PITPNM3: variants seen among roughly 807,000 people sequenced by gnomAD.
The protein encoded by PITPNM3 is PITPNM family member 3.
A neutral mutation model predicts 102.0 loss-of-function variants in PITPNM3; 26 were observed. The ratio of observed to expected loss-of-function variants is 0.25; its 90% CI spans 0.19 to 0.35. PITPNM3 has a LOEUF of 0.35. Among genes scored for constraint, PITPNM3 ranks in the 10% least tolerant of loss-of-function variants. The pLI is 1.00. For missense variants in PITPNM3, 1,083 were observed against 1,346.1 expected, an observed-to-expected ratio of 0.80 and a Z score of 3.06; for synonymous variants, 578 against 558.6, an observed-to-expected ratio of 1.03 and a Z score of -0.49.
rs1296191116 is a variant in PITPNM3, at chr17:6,470,552, G to T, written c.1625-144C>A. The T allele has an allele frequency of 3.7e-6, 4 of 1,074,492 alleles. No individual in the cohort carries two copies. Among genetic ancestry groups the T allele is most frequent in the Non-Finnish European group, 5.6e-6 (4 of 716,406 alleles). 66.6% of individuals were successfully genotyped at this position (1,074,492 alleles called of 1,614,324 possible). ...GCGGGAGCACCCTGGCCTGGAGGAGGCCTGGGGAACGCGCTGCTCTTCCTC... is the reference window on the plus strand; with the variant it reads ...GCGGGAGCACCCTGGCCTGGAGGAGTCCTGGGGAACGCGCTGCTCTTCCTC... On this transcript the variant is annotated intron_variant, in intron 12 of 19. Transcript: ENST00000262483. This position sits in a 1 kb window ranked among gnomAD's most constrained non-coding sequence, Gnocchi z 4.8.
intron 4 of PITPNM3, among the ~76,000 whole-genome samples, chr17:6,490,309 GA>G (rs1464622176): frequency 6.6e-6 from 1 of 152,134 alleles, no homozygotes. Flanking sequence ...CCTCTACTCA[GA>G]GGGTGACCTC....
chr17:6,467,409 C>T (rs969544199), intron 14 of PITPNM3, among the ~76,000 whole-genome samples: 1 of 152,180 alleles, frequency 6.6e-6, no homozygotes, highest in Non-Finnish European at 1.5e-5. Context: ...TATGAAAAAG[C>T]TCTAAAACTG....
intron 1 of PITPNM3, among the ~76,000 whole-genome samples, chr17:6,550,168 C>G (rs1203885522): frequency 6.6e-6 from 1 of 152,222 alleles, no homozygotes; most frequent in Admixed American, 6.5e-5. Context: ...AGCCAGGGCT[C>G]TCCTTCGTTA....
intron 4 of PITPNM3, among the ~76,000 whole-genome samples, chr17:6,484,879 G>C (rs371876320): frequency 3.5e-4 from 53 of 152,324 alleles, no homozygotes; most frequent in Middle Eastern, 6.8e-3. Flanking sequence ...GCAGAACAAA[G>C]TGCTGCAGGG....
At chr17:6,555,658 C>T (rs1390921260) in intron 1 of PITPNM3, among the ~76,000 whole-genome samples, 2 of 152,184 alleles carry the variant, frequency 1.3e-5, no homozygotes, top group Non-Finnish European at 2.9e-5. Flanking sequence ...AGCCCCGGTG[C>T]CCAGCTCAGG....
At chr17:6,495,332 C>T (rs953369891) in intron 4 of PITPNM3, among the ~76,000 whole-genome samples, 2 of 152,092 alleles carry the variant, frequency 1.3e-5, no homozygotes, top group Non-Finnish European at 2.9e-5. Flanking sequence ...GCTCCTTTGC[C>T]TCTGGGAAGG....
At chr17:6,498,010 G>A (rs1008515240) in intron 4 of PITPNM3, among the ~76,000 whole-genome samples, 24 of 152,142 alleles carry the variant, frequency 1.6e-4, no homozygotes, top group African/African-American at 5.3e-4. Context: ...TCCTCCCACC[G>A]GACGTTCCTG....
chr17:6,535,281 T>C (rs926543133), intron 2 of PITPNM3, among the ~76,000 whole-genome samples: 1 of 152,058 alleles, frequency 6.6e-6, no homozygotes, highest in Non-Finnish European at 1.5e-5. Context: ...CAGAAGCCCA[T>C]GGCCTGGTCC....
At position 6,471,361 on chromosome 17, in the gene PITPNM3, G is replaced by T. The variant is rs764751089; in HGVS notation, c.1430-6C>A. ...GTGGGTGTGTAGGGCATCAGCTGGA[G>T]GGGGAATTTCAAGGTCAGGCTGAGT... On this transcript the variant is annotated splice_region_variant and splice_polypyrimidine_tract_variant and intron_variant, in intron 11 of 19. Transcript: ENST00000262483. 1.9e-6 allele frequency: 3 copies of T among 1,580,170 alleles called. No homozygotes were observed. Among genetic ancestry groups the T allele is most frequent in the Admixed American group, 1.7e-5 (1 of 57,986 alleles).
chr17:6,494,374 C>A (rs994481048), intron 4 of PITPNM3, among the ~76,000 whole-genome samples: 2 of 152,184 alleles, frequency 1.3e-5, no homozygotes, highest in African/African-American at 4.8e-5. Flanking sequence ...ATAGCAGGAA[C>A]TTCTTAGGCT....
intron 4 of PITPNM3, among the ~76,000 whole-genome samples, chr17:6,488,117 C>A (rs953633383): frequency 2.0e-5 from 3 of 152,052 alleles, no homozygotes; most frequent in South Asian, 2.1e-4. Flanking sequence ...TTAGCAGAGG[C>A]CCCTGTAGAC....
intron 14 of PITPNM3, among the ~76,000 whole-genome samples, chr17:6,465,394 C>T (rs1159193511): frequency 6.6e-6 from 1 of 152,262 alleles, no homozygotes; most frequent in African/African-American, 2.4e-5. Flanking sequence ...ACTGGCCTCA[C>T]AGCCTGTGCT....
rs1190855329 is a variant in PITPNM3, at chr17:6,469,506, A to C, written c.1773+754T>G. 6.6e-6 allele frequency among the ~76,000 whole-genome samples: 1 copy of C among 151,466 alleles called. No individual in the cohort carries two copies. Reference sequence around the variant, plus strand: ...TGCAGGACACAGAACCACCTTAGTCACTCAAGTGGGAAACAGGACGTACTG... The same window carrying C: ...TGCAGGACACAGAACCACCTTAGTCCCTCAAGTGGGAAACAGGACGTACTG... On this transcript the variant is annotated intron_variant, in intron 13 of 19. Coordinates refer to ENST00000262483, the MANE Select transcript of PITPNM3 (RefSeq NM_031220.4). The surrounding 1 kb of genome is among the most constrained non-coding windows in gnomAD (Gnocchi z 4.0).
At position 6,455,302 on chromosome 17, in the gene PITPNM3, G is replaced by A. The variant is rs1314659967; in HGVS notation, c.*36C>T. 2.0e-6 allele frequency: 3 copies of A among 1,534,776 alleles called. No individual in the cohort carries two copies. In the South Asian group the frequency reaches 3.8e-5, roughly 19 times the overall value. On this transcript the variant is annotated 3_prime_UTR_variant, in exon 20 of 20. Coordinates refer to ENST00000262483, the MANE Select transcript of PITPNM3 (RefSeq NM_031220.4). ...CCCGTCCCCGCAGGCAGCCTGATTG[G>A]GCCCCCCGCTCCCTGCTCTGAGCAC...
At chr17:6,484,334 C>T in intron 4 of PITPNM3, 42 bp from the exon 5 acceptor site, 1 of 1,537,390 alleles carries the variant, frequency 6.5e-7, no homozygotes, top group Non-Finnish European at 9.0e-7. Context: ...CCAGGCTTCC[C>T]TACAGTGACC....
chr17:6,495,454 C>G (rs1350278416), intron 4 of PITPNM3, among the ~76,000 whole-genome samples: 1 of 152,110 alleles, frequency 6.6e-6, no homozygotes, highest in East Asian at 1.9e-4. Context: ...ACACCCTGGC[C>G]CTGGGTGGAG....
chr17:6,461,142 G>A (rs1476744165), intron 18 of PITPNM3, among the ~76,000 whole-genome samples: 1 of 152,238 alleles, frequency 6.6e-6, no homozygotes, highest in Non-Finnish European at 1.5e-5. Flanking sequence ...AAGGACGAAA[G>A]TCTGACTCAG....
In PITPNM3 at chr17:6,461,391, C is replaced by T. The variant is rs144737056; in HGVS notation, c.2472G>A (p.Leu824=). Residue 824 remains leucine (L), a synonymous_variant, in exon 18 of 20, where the codon CTG becomes CTA. Transcript: ENST00000262483. ...CACTCACCTCCTGCATGAGGTTGCGCAGGAAGATGGCCTTCTGCCGCAGCG... is the reference window on the plus strand; with the variant it reads ...CACTCACCTCCTGCATGAGGTTGCGTAGGAAGATGGCCTTCTGCCGCAGCG... ...HDPLRQKAIF[L]RNLMQECFIK... 4,742 of 1,614,112 alleles carry T rather than the reference C, an allele frequency of 2.9e-3. 17 individuals carry two copies. Among genetic ancestry groups the T allele is most frequent in the Non-Finnish European group, 3.3e-3 (3,907 of 1,180,042 alleles).
At chr17:6,482,480 C>A (rs1206979900) in intron 6 of PITPNM3, among the ~76,000 whole-genome samples, 1 of 152,120 alleles carries the variant, frequency 6.6e-6, no homozygotes, top group African/African-American at 2.4e-5. Context: ...TATAATAAAC[C>A]AGTAAATGTG....
Sources: gnomAD v4.1 joint callset for allele counts (sites outside exome capture counted in the v4.1 genomes callset) on GRCh38, gnomAD v4.1.1 for gene constraint, Gnocchi (gnomAD v3.1) non-coding constraint, MANE v1.5 for transcripts, NCBI Gene and HGNC (gene_info 2026-07-23, HGNC 2026-07-21) for gene names.